The following TNS3 variants were observed in gnomAD, a reference collection of about 807,000 sequenced individuals.
TNS3 encodes the protein tensin 3, also known as tensin-3.
A neutral mutation model predicts 140.9 loss-of-function variants in TNS3; 45 were observed. The ratio of observed to expected loss-of-function variants is 0.32; its 90% confidence interval spans 0.25 to 0.41. The LOEUF is 0.41. Among genes scored for constraint, TNS3 ranks in the 10% least tolerant of loss-of-function variants. The pLI is 1.00. For synonymous variants in TNS3, 815 were observed against 788.4 expected (o/e 1.03, Z -0.56); for missense variants, 1,716 against 1,906.7 (o/e 0.90, Z 1.86).
chr7:47,368,347 C>T lies in TNS3; in HGVS notation c.2281+18G>A. The T allele has an allele frequency of 6.8e-7, 1 of 1,470,334 alleles. No individual in the cohort carries two copies. Among genetic ancestry groups the T allele is most frequent in the Non-Finnish European group, 9.0e-7 (1 of 1,111,940 alleles). The allele number at this position is 1,470,334 out of a possible 1,614,324, so 91.1% of individuals were successfully genotyped here. Reference sequence around the variant, plus strand: ...GGAGCACCTCCCGTGGAGCACCTCCCATGGAGACCCAGCTCACCTTGCCGC... The same window carrying T: ...GGAGCACCTCCCGTGGAGCACCTCCTATGGAGACCCAGCTCACCTTGCCGC... On this transcript the variant is annotated intron_variant, in intron 17 of 30. Transcript: ENST00000311160.
Position 47,283,740 on chromosome 7 carries a change from T to G in TNS3, c.4054A>C (p.Lys1352Gln). Residue 1352 changes from lysine (K) to glutamine (Q), a missense_variant, in exon 28 of 31, where the codon AAG (lysine) becomes CAG (glutamine). Physicochemically the swap from Lys to Gln is moderately conservative, Grantham distance 53. Around this residue, in one of 3 missense-constraint regions of TNS3, gnomAD observed 216 missense variants for 295.7 expected, o/e 0.73. Transcript: ENST00000311160. The stretch of plus-strand genomic sequence containing the variant: ...AGGGTGATGCCCTGGGCTGACACCT[T>G]GAAGTGCACAACTGTGGACACAGGT... Reference protein sequence around the residue: ...PPPVSTVVHFKVSAQGITLTD... With the variant: ...PPPVSTVVHFQVSAQGITLTD... 1 of 1,605,022 alleles carries G rather than the reference T, an allele frequency of 6.2e-7. No individual in the cohort carries two copies. The highest frequency in any genetic ancestry group is 1.7e-5 in the Admixed American group (1 of 58,640).
At chr7:47,546,394 G>C (rs1243723182) in intron 1 of TNS3, among the ~76,000 whole-genome samples, 2 of 152,102 alleles carry the variant, frequency 1.3e-5, no homozygotes, top group Non-Finnish European at 2.9e-5. Flanking sequence ...GTCACCGCAG[G>C]AGAGCTCCTT....
chr7:47,567,118 T>A (rs1800447139), intron 1 of TNS3, among the ~76,000 whole-genome samples: 1 of 151,982 alleles, frequency 6.6e-6, no homozygotes, highest in South Asian at 2.1e-4. Flanking sequence ...AATCATTTTT[T>A]AAAAACTGCT....
At chr7:47,314,975 G>A (rs949756105) in intron 20 of TNS3, among the ~76,000 whole-genome samples, 3 of 152,224 alleles carry the variant, frequency 2.0e-5, no homozygotes, top group African/African-American at 4.8e-5. Flanking sequence ...CTTCTACTAA[G>A]GCAAAAGCCG....
chr7:47,430,959 G>T (rs1794902404), intron 8 of TNS3, among the ~76,000 whole-genome samples: 1 of 151,988 alleles, frequency 6.6e-6, no homozygotes, highest in Non-Finnish European at 1.5e-5. Context: ...CTGACCTCAG[G>T]TGATCTGCCC....
At chr7:47,575,612 G>A (rs544469885) in intron 1 of TNS3, among the ~76,000 whole-genome samples, 19 of 152,122 alleles carry the variant, frequency 1.2e-4, no homozygotes, top group African/African-American at 3.6e-4. Flanking sequence ...TCAGGAGATC[G>A]AGACCATTCT....
At chr7:47,521,031 C>A (rs2151918149) in intron 2 of TNS3, among the ~76,000 whole-genome samples, 1 of 152,336 alleles carries the variant, frequency 6.6e-6, no homozygotes, top group Non-Finnish European at 1.5e-5. Context: ...TCCCTGTGCA[C>A]CTACTGGGCT....
intron 4 of TNS3, chr7:47,470,723 G>A (rs891671416): frequency 2.9e-5 from 27 of 927,516 alleles, no homozygotes; most frequent in Middle Eastern, 5.5e-4. Flanking sequence ...CCTCCTAGCC[G>A]GAGTGGGTTT....
intron 2 of TNS3, among the ~76,000 whole-genome samples, chr7:47,527,093 C>T (rs959412942): frequency 5.3e-4 from 80 of 150,646 alleles, no homozygotes; most frequent in Admixed American, 3.6e-3. Context: ...AAAAATTAGC[C>T]GGGCATGGTG....
intron 1 of TNS3, among the ~76,000 whole-genome samples, chr7:47,541,032 A>T (rs901251512): frequency 6.6e-6 from 1 of 152,238 alleles, no homozygotes; most frequent in Admixed American, 6.5e-5. Flanking sequence ...GCAGGAGTGG[A>T]CATGGAAACT....
At chr7:47,510,392 T>C (rs972334758) in intron 2 of TNS3, among the ~76,000 whole-genome samples, 6 of 152,172 alleles carry the variant, frequency 3.9e-5, no homozygotes, top group African/African-American at 1.4e-4. Context: ...GGAATAGCAG[T>C]TGTGTGAGCT....
chr7:47,472,690 C>T (rs890669631), intron 4 of TNS3, among the ~76,000 whole-genome samples: 3 of 152,192 alleles, frequency 2.0e-5, no homozygotes, highest in African/African-American at 7.2e-5. Context: ...GAAGTCCCAG[C>T]CCACATCTCA....
chr7:47,397,040 A>C, intron 15 of TNS3, 136 bp from the exon 16 acceptor site: 1 of 660,164 alleles, frequency 1.5e-6, no homozygotes, highest in Admixed American at 2.4e-5. Context: ...CCCTCCTGCC[A>C]GGAGCCACAA....
chr7:47,535,777 C>T (rs1799576781), intron 1 of TNS3, among the ~76,000 whole-genome samples: 2 of 152,222 alleles, frequency 1.3e-5, no homozygotes, highest in East Asian at 3.8e-4. Flanking sequence ...CTCCACTCTG[C>T]CGAAATGCAA....
At chr7:47,481,821 G>T in intron 3 of TNS3, 1 of 393,778 alleles carries the variant, frequency 2.5e-6, no homozygotes, top group Non-Finnish European at 3.5e-6. Context: ...CACCAGTCCT[G>T]CAGGGCAAAG....
chr7:47,308,213 T>A (rs536990508), intron 20 of TNS3, among the ~76,000 whole-genome samples: 14 of 152,220 alleles, frequency 9.2e-5, no homozygotes, highest in Non-Finnish European at 1.9e-4. Context: ...CTATCTATTC[T>A]TCATTGAATT....
chr7:47,343,667 T>C (rs1193096450), intron 20 of TNS3, among the ~76,000 whole-genome samples: 2 of 152,250 alleles, frequency 1.3e-5, no homozygotes, highest in Non-Finnish European at 2.9e-5. Flanking sequence ...TGGCTACCTA[T>C]GTGTGAGTCC....
intron 13 of TNS3, chr7:47,403,524 T>C (rs1584578328): frequency 6.6e-6 from 1 of 152,244 alleles, no homozygotes; most frequent in East Asian, 1.9e-4. Context: ...TGTATTTTAA[T>C]GCTAACTTTG....
At chr7:47,437,436 C>T (rs1429129938) in intron 6 of TNS3, 123 bp from the exon 7 acceptor site, 2 of 340,148 alleles carry the variant, frequency 5.9e-6, no homozygotes, top group Non-Finnish European at 9.7e-6. Flanking sequence ...AAAATCTTCA[C>T]ACTCACAAAT....
Sources: allele counts gnomAD v4.1 joint callset (sites outside exome capture counted in the v4.1 genomes callset), GRCh38; gene constraint gnomAD v4.1.1; regional missense constraint gnomAD v4.1.1; transcripts MANE v1.5; gene names NCBI Gene and HGNC (gene_info 2026-07-23, HGNC 2026-07-21).